The following PEX6 variants were observed in gnomAD, a reference collection of about 807,000 sequenced individuals.
PEX6 encodes the protein peroxisomal biogenesis factor 6, also known as peroxisome biogenesis factor 6.
A neutral mutation model predicts 85.6 loss-of-function variants in PEX6; 55 were observed. That is an observed-to-expected ratio of 0.64 (90% CI 0.52 to 0.80). The LOEUF (loss-of-function observed/expected upper bound fraction) is 0.80, where lower values mean the gene tolerates loss of function less well. PEX6 is among the 30% of genes least tolerant of loss of function. PEX6 has a pLI of 0.00. For missense variants in PEX6, 1,099 were observed against 1,260.3 expected, an observed-to-expected ratio of 0.87 and a Z score of 1.94; for synonymous variants, 519 against 549.1, an observed-to-expected ratio of 0.95 and a Z score of 0.77.
At chr6:42,974,442 GT>G (rs71855084) in intron 2 of PEX6, among the ~76,000 whole-genome samples, 3 of 115,944 alleles carry the variant, frequency 2.6e-5, no homozygotes, top group Non-Finnish European at 5.1e-5. Context: ...TGTCTGAAAT[GT>G]TTTTTTTGTT....
Position 42,978,935 on chromosome 6 carries a change from C to T in PEX6, c.216G>A (p.Pro72=). The change falls in exon 1 of 17, where the codon CCG becomes CCA. Residue 72 remains proline (P), a synonymous_variant. Coordinates refer to ENST00000304611, the MANE Select transcript of PEX6 (RefSeq NM_000287.4). ...AGTEEQGPGP[P]QLLVSRALLR... The stretch of plus-strand genomic sequence containing the variant: ...GCAGCGCGCGGCTAACCAGTAGCTG[C>T]GGCGGCCCGGGACCCTGCTCTTCGG... 1 of 1,488,610 alleles carries T rather than the reference C, an allele frequency of 6.7e-7. No individual in the cohort carries two copies. The highest frequency in any genetic ancestry group is 8.9e-7 in the Non-Finnish European group (1 of 1,127,720). The allele number at this position is 1,488,610 out of a possible 1,614,324, so 92.2% of individuals were successfully genotyped here.
At chr6:42,974,153 G>A (rs1770171287) in intron 2 of PEX6, 67 bp from the exon 3 acceptor site, 1 of 1,188,000 alleles carries the variant, frequency 8.4e-7, no homozygotes, top group Non-Finnish European at 1.3e-6. Context: ...ATTACCACAT[G>A]TCCACCCCCG....
Position 42,978,440 on chromosome 6 carries a change from C to A in PEX6, c.711G>T (p.Pro237=), listed in dbSNP as rs1457850321. ...CTAGGACCTGCACCCTAGCCAAGTG[C>A]GGCTGTGAAGTGTTCGATGACTCTC... is the stretch of plus-strand genomic sequence containing the variant. The part of the protein sequence containing the change: ...QARESSNTSQ[P]HLARVQVLEP... Residue 237 remains proline (P), a synonymous_variant, in exon 1 of 17, where the codon CCG becomes CCT. Coordinates refer to ENST00000304611, the MANE Select transcript of PEX6 (RefSeq NM_000287.4). 2.5e-6 allele frequency: 4 copies of A among 1,614,020 alleles called. No individual in the cohort carries two copies. Among genetic ancestry groups the A allele is most frequent in the Admixed American group, 1.7e-5 (1 of 59,990 alleles).
chr6:42,971,958 G>A lies in PEX6; in HGVS notation c.1131-1971C>T, dbSNP rs912558401. On this transcript the variant is annotated intron_variant, in intron 3 of 16. Transcript: ENST00000304611. This position sits in a 1 kb window ranked among gnomAD's most constrained non-coding sequence, Gnocchi z 4.4. The stretch of plus-strand genomic sequence containing the variant: ...GAAGTGACTGCTAAGTGCCAGCCTG[G>A]CATTTTCCACCAGACTCGTGGACTT... 2.0e-5 allele frequency among the ~76,000 whole-genome samples: 3 copies of A among 152,210 alleles called. No homozygotes were observed. Among genetic ancestry groups the A allele is most frequent in the African/African-American group, 7.2e-5 (3 of 41,454 alleles).
intron 5 of PEX6, 56 bp downstream of exon 5, chr6:42,969,612 T>C: frequency 6.2e-7 from 1 of 1,608,486 alleles, no homozygotes; most frequent in South Asian, 1.1e-5. Flanking sequence ...CTGCTGCTCC[T>C]CCAGGGATGT....
Position 42,967,473 on chromosome 6 carries a change from C to T in PEX6, c.1779G>A (p.Val593=), listed in dbSNP as rs770919377. The part of the protein sequence containing the change: ...VQTAFPHELE[V]PALSEGQRLS... ...GCCGCTGCCCCTCTGACAGAGCAGG[C>T]ACCTCGAGCTCATGAGGAAATGCTG... Residue 593 remains valine (V), a synonymous_variant, in exon 8 of 17, where the codon GTG becomes GTA. Coordinates refer to ENST00000304611, the MANE Select transcript of PEX6 (RefSeq NM_000287.4). 1 of 1,611,630 alleles carries T rather than the reference C, an allele frequency of 6.2e-7. No individual in the cohort carries two copies. Among genetic ancestry groups the T allele is most frequent in the South Asian group, 1.1e-5 (1 of 90,368 alleles).
In PEX6 at chr6:42,979,160, A is replaced by G. The variant is rs1770450490; in HGVS notation, c.-10T>C. The G allele has an allele frequency of 6.3e-7, 1 of 1,575,990 alleles. No homozygotes were observed. On this transcript the variant is annotated 5_prime_UTR_variant, in exon 1 of 17. Transcript: ENST00000304611. Reference sequence around the variant, plus strand: ...AGACAGCCAGCGCCATGGTGACAGGACACCAACGAGGAGGGTGAAGGAGCG... The same window carrying G: ...AGACAGCCAGCGCCATGGTGACAGGGCACCAACGAGGAGGGTGAAGGAGCG...
chr6:42,967,031 G>A (rs1373421240), intron 8 of PEX6, among the ~76,000 whole-genome samples, 173 bp from the exon 9 acceptor site: 3 of 141,928 alleles, frequency 2.1e-5, no homozygotes, highest in African/African-American at 7.8e-5. Flanking sequence ...GGAGTGCAAT[G>A]GCGCGATCTC....
Position 42,974,036 on chromosome 6 carries a change from T to A in PEX6, c.1097A>T (p.Glu366Val). 6.2e-7 allele frequency: 1 copy of A among 1,614,094 alleles called. No individual in the cohort carries two copies. The highest frequency in any genetic ancestry group is 8.5e-7 in the Non-Finnish European group (1 of 1,179,932). ...TTTCTCTGGACTTCCTTCCAGGATC[T>A]CTACTTGCCCAATTGTTGGCACACA... is the stretch of plus-strand genomic sequence containing the variant. Reference protein sequence around the residue: ...VLCVPTIGQVEILEGSPEKLP... With the variant: ...VLCVPTIGQVVILEGSPEKLP... The change falls in exon 3 of 17, where the codon GAG (glutamate) becomes GTG (valine). Residue 366 changes from glutamate to valine, a missense_variant. Physicochemically the swap from Glu to Val is moderately radical, Grantham distance 121. This residue lies in a region of PEX6 where 579 missense variants were observed against 611.6 expected (regional missense o/e 0.95). Coordinates refer to ENST00000304611, the MANE Select transcript of PEX6 (RefSeq NM_000287.4).
At position 42,978,328 on chromosome 6, in the gene PEX6, C is replaced by A; in HGVS notation, c.823G>T (p.Ala275Ser). ...PLADGLALVP[A>S]TLAFNLGCDP... ...CAGCCAAGATTAAAAGCCAAAGTGG[C>A]AGGGACAAGCGCCAGTCCGTCAGCG... The change falls in exon 1 of 17, where the codon GCC (alanine) becomes TCC (serine). Residue 275 changes from alanine (A) to serine (S), a missense_variant. This residue lies in a region of PEX6 where 579 missense variants were observed against 611.6 expected (regional missense o/e 0.95). Coordinates refer to ENST00000304611, the MANE Select transcript of PEX6 (RefSeq NM_000287.4). The A allele has an allele frequency of 6.2e-7, 1 of 1,614,228 alleles. No homozygotes were observed. The highest frequency in any genetic ancestry group is 1.1e-5 in the South Asian group (1 of 91,092).
Position 42,965,595 on chromosome 6 carries a change from T to C in PEX6, c.2471+86A>G. The C allele has an allele frequency of 9.9e-7, 1 of 1,014,254 alleles. No homozygotes were observed. The highest frequency in any genetic ancestry group is 1.6e-6 in the Non-Finnish European group (1 of 632,940). The allele number at this position is 1,014,254 out of a possible 1,614,324, so 62.8% of individuals were successfully genotyped here. Reference sequence around the variant, plus strand: ...AGAACTGAAACAGCAGGAACTTCTATCTCTGGACTCTGAAGACTGCTGTGA... The same window carrying C: ...AGAACTGAAACAGCAGGAACTTCTACCTCTGGACTCTGAAGACTGCTGTGA... On this transcript the variant is annotated intron_variant, in intron 13 of 16. Coordinates refer to ENST00000304611, the MANE Select transcript of PEX6 (RefSeq NM_000287.4). The surrounding 1 kb of genome is among the most constrained non-coding windows in gnomAD (Gnocchi z 5.0).
chr6:42,978,956 T>C lies in PEX6; in HGVS notation c.195A>G (p.Glu65=). Residue 65 remains glutamate, a synonymous_variant, in exon 1 of 17, where the codon GAA becomes GAG. Transcript: ENST00000304611. ...GCTGCGGCGGCCCGGGACCCTGCTC[T>C]TCGGTGCCCGCGTCCGGCCCCTCCA... ...AALEGPDAGT[E]EQGPGPPQLL... is the part of the protein sequence containing the mutation. The C allele has an allele frequency of 2.7e-6, 4 of 1,497,280 alleles. No homozygotes were observed. The highest frequency in any genetic ancestry group is 3.5e-6 in the Non-Finnish European group (4 of 1,131,892). 92.7% of individuals were successfully genotyped at this position (1,497,280 alleles called of 1,614,324 possible).
At position 42,964,696 on chromosome 6, in the gene PEX6, C is replaced by T. The variant is rs141444687; in HGVS notation, c.2806+94G>A. ...CCTCAAACTCCTGGGCTCAAGCGAT[C>T]CTCCCACCTCAGCCTCTCAAGTAGC... is the stretch of plus-strand genomic sequence containing the variant. On this transcript the variant is annotated intron_variant, in intron 16 of 16. Coordinates refer to ENST00000304611, the MANE Select transcript of PEX6 (RefSeq NM_000287.4). This position sits in a 1 kb window ranked among gnomAD's most constrained non-coding sequence, Gnocchi z 4.6. 9.3e-5 allele frequency: 142 copies of T among 1,529,088 alleles called. No individual in the cohort carries two copies. The African/African-American group carries it at 1.7e-3, about 18-fold the overall frequency. The allele number at this position is 1,529,088 out of a possible 1,614,324, so 94.7% of individuals were successfully genotyped here. A position where few individuals can be genotyped will look rare whatever the true frequency, so the allele number is the denominator to read the frequency against.
At chr6:42,975,067 A>G in intron 1 of PEX6, 29 bp from the exon 2 acceptor site, 3 of 1,533,996 alleles carry the variant, frequency 2.0e-6, no homozygotes, top group Non-Finnish European at 2.7e-6. Context: ...CCACGTTATA[A>G]CCTTCTCCTA....
intron 1 of PEX6, among the ~76,000 whole-genome samples, chr6:42,977,217 A>T (rs1279168496): frequency 1.3e-5 from 2 of 148,642 alleles, no homozygotes. Context: ...AACTAATTAG[A>T]TTGAGTAGAT....
At chr6:42,967,168 C>A (rs556639973) in intron 8 of PEX6, among the ~76,000 whole-genome samples, 200 bp downstream of exon 8, 1 of 152,130 alleles carries the variant, frequency 6.6e-6, no homozygotes, top group African/African-American at 2.4e-5. Flanking sequence ...GGGGTTTCTC[C>A]ATGTTGGCCA....
chr6:42,964,422 C>T lies in PEX6; in HGVS notation c.2856G>A (p.Leu952=). The change falls in exon 17 of 17, where the codon CTG becomes CTA. Residue 952 remains leucine (L), a synonymous_variant. Coordinates refer to ENST00000304611, the MANE Select transcript of PEX6 (RefSeq NM_000287.4). The surrounding 1 kb of genome is among the most constrained non-coding windows in gnomAD (Gnocchi z 4.6). ...SALMLTMEDL[L]QAAARLQPSV... ...AGGGTTGCAGCCGGGCGGCAGCCTG[C>T]AGCAAGTCCTCCATGGTGAGCATCA... The T allele has an allele frequency of 1.2e-6, 2 of 1,613,902 alleles. No homozygotes were observed. The highest frequency in any genetic ancestry group is 2.2e-5 in the South Asian group (2 of 91,080).
rs1475357223 is a variant in PEX6 at position 42,979,001 on chromosome 6, C to G, written c.150G>C (p.Pro50=). The change falls in exon 1 of 17, where the codon CCG becomes CCC. Residue 50 remains proline, a synonymous_variant. Transcript: ENST00000304611. ...CCTCCAGGGCTGCCACCAGCAGCGC[C>G]GGCCCTGCCGGGCTCTCCCCTGCAG... ...LRPAGESPAG[P]ALLVAALEGP... is the part of the protein sequence containing the mutation. 5.3e-6 allele frequency: 8 copies of G among 1,513,872 alleles called. No homozygotes were observed. Among genetic ancestry groups the G allele is most frequent in the Non-Finnish European group, 7.0e-6 (8 of 1,138,444 alleles). The allele number at this position is 1,513,872 out of a possible 1,614,324, so 93.8% of individuals were successfully genotyped here. A position where few individuals can be genotyped will look rare whatever the true frequency, so the allele number is the denominator to read the frequency against.
rs760575572 is a variant in PEX6 at position 42,965,768 on chromosome 6, G to A, written c.2384C>T (p.Ala795Val). The part of the protein sequence containing the change: ...VREVFARARA[A>V]APCIIFFDEL... The stretch of plus-strand genomic sequence containing the variant: ...ATCAAAGAAGATAATGCATGGAGCT[G>A]CAGCCCTGGCCCTGGCAAACACTGA... Residue 795 changes from alanine to valine, a missense_variant, in exon 13 of 17, where the codon GCA (alanine) becomes GTA (valine). Around this residue, in one of 3 missense-constraint regions of PEX6, gnomAD observed 514 missense variants for 627.0 expected, o/e 0.82. Transcript: ENST00000304611. This position sits in a 1 kb window ranked among gnomAD's most constrained non-coding sequence, Gnocchi z 5.0. The A allele has an allele frequency of 3.1e-6, 5 of 1,613,850 alleles. No individual in the cohort carries two copies. In the East Asian group the frequency reaches 1.1e-4, roughly 36 times the overall value.
Sources: gnomAD v4.1 joint callset for allele counts (sites outside exome capture counted in the v4.1 genomes callset) on GRCh38, gnomAD v4.1.1 for gene constraint, gnomAD v4.1.1 regional missense constraint, Gnocchi (gnomAD v3.1) non-coding constraint, MANE v1.5 for transcripts, NCBI Gene and HGNC (gene_info 2026-07-23, HGNC 2026-07-21) for gene names.